CHL1: variants seen among roughly 807,000 people sequenced by gnomAD.
The protein encoded by CHL1 is cell adhesion molecule L1 like, also known as neural cell adhesion molecule L1-like protein.
CHL1 carries 96 observed loss-of-function variants against 141.9 expected under a neutral mutation model. The ratio of observed to expected loss-of-function variants is 0.68; its 90% CI spans 0.57 to 0.80. The LOEUF (loss-of-function observed/expected upper bound fraction) is 0.80. CHL1 is among the 30% of genes least tolerant of loss of function. The probability of loss-of-function intolerance (pLI) is 0.00; values close to 1 mark genes in which losing one functional copy is unlikely to be tolerated. For synonymous variants in CHL1, 613 were observed against 502.2 expected, an observed-to-expected ratio of 1.22 and a Z score of -2.95; for missense variants, 1,820 against 1,457.2, an observed-to-expected ratio of 1.25 and a Z score of -4.05.
chr3:343,933 T>C (rs926635675), intron 8 of CHL1, among the ~76,000 whole-genome samples: 4 of 152,216 alleles, frequency 2.6e-5, no homozygotes, highest in African/African-American at 9.6e-5. Context: ...ACTGCTAAAG[T>C]CCCTTTGAAG....
chr3:401,783 A>C, intron 27 of CHL1, 85 bp downstream of exon 27: 2 of 781,630 alleles, frequency 2.6e-6, no homozygotes, highest in Non-Finnish European at 4.1e-6. Flanking sequence ...TATTCTTAAT[A>C]AAAAGGTTAC....
intron 4 of CHL1, among the ~76,000 whole-genome samples, chr3:327,274 G>T (rs963380433): frequency 1.3e-5 from 2 of 151,880 alleles, no homozygotes; most frequent in African/African-American, 4.8e-5. Context: ...AAATTTGCAT[G>T]GGTAATTCCA....
At chr3:305,566 A>G (rs1056875754) in intron 2 of CHL1, among the ~76,000 whole-genome samples, 1 of 152,050 alleles carries the variant, frequency 6.6e-6, no homozygotes. Context: ...TTTCTAGGAA[A>G]AACCCATGGT....
At chr3:359,397 G>A (rs568295507) in intron 11 of CHL1, among the ~76,000 whole-genome samples, 15 of 151,928 alleles carry the variant, frequency 9.9e-5, no homozygotes, top group Non-Finnish European at 1.9e-4. Context: ...TCCACCTCCT[G>A]GGTTCAAGTG....
Position 289,931 on chromosome 3 carries a change from C to CTTTTTTTT in CHL1, c.-94-29738_-94-29731dup, listed in dbSNP as rs769872997. On this transcript the variant is annotated intron_variant, in intron 2 of 27. Coordinates refer to ENST00000256509, the MANE Select transcript of CHL1 (RefSeq NM_006614.4). The stretch of plus-strand genomic sequence containing the variant: ...CATAGATACATTGCTCCACTGGTAT[C>CTTTTTTTT]TTTTTTTTTTTTTTTTTTTTTGAGA... Among the ~76,000 whole-genome samples, 12 of 102,768 alleles carry CTTTTTTTT rather than the reference C, an allele frequency of 1.2e-4. 1 individual carries two copies. The highest frequency in any genetic ancestry group is 2.7e-4 in the African/African-American group (7 of 25,624). 67.4% of individuals were successfully genotyped at this position (102,768 alleles called of 152,430 possible). A position where few individuals can be genotyped will look rare whatever the true frequency, so the allele number is the denominator to read the frequency against.
chr3:279,972 G>T (rs896154815), intron 2 of CHL1, among the ~76,000 whole-genome samples: 1 of 152,094 alleles, frequency 6.6e-6, no homozygotes, highest in East Asian at 1.9e-4. Flanking sequence ...GTAGGAAAAT[G>T]TAGATCATTT....
chr3:246,466 C>T (rs1693182253), intron 2 of CHL1: 2 of 152,056 alleles, frequency 1.3e-5, no homozygotes, highest in Admixed American at 6.6e-5. Context: ...GGAAATCAGC[C>T]ATCAGGTTCC....
At chr3:212,468 G>C (rs1699978373) in intron 1 of CHL1, among the ~76,000 whole-genome samples, 1 of 152,056 alleles carries the variant, frequency 6.6e-6, no homozygotes, top group Non-Finnish European at 1.5e-5. Flanking sequence ...TCCTTGTTCA[G>C]CCTTCTAATC....
intron 2 of CHL1, among the ~76,000 whole-genome samples, chr3:315,838 G>A (rs186711829): frequency 9.4e-4 from 143 of 152,086 alleles, no homozygotes; most frequent in Non-Finnish European, 1.8e-3. Context: ...CACATATGAG[G>A]AGTTTAGAAG....
intron 2 of CHL1, among the ~76,000 whole-genome samples, chr3:308,482 T>A (rs907304516): frequency 3.9e-5 from 6 of 152,002 alleles, no homozygotes; most frequent in Non-Finnish European, 8.8e-5. Flanking sequence ...GAGAAGTAGA[T>A]TAAAACCATC....
At position 363,199 on chromosome 3, in the gene CHL1, C is replaced by A; in HGVS notation, c.1419-18C>A. On this transcript the variant is annotated intron_variant, in intron 13 of 27. Transcript: ENST00000256509. ...TTTTGCCCTACCTCAGATGGATGTA[C>A]GCTTTCTTTGTCCATAGGCAGAAGG... The A allele has an allele frequency of 6.3e-7, 1 of 1,599,390 alleles. No homozygotes were observed. The highest frequency in any genetic ancestry group is 8.5e-7 in the Non-Finnish European group (1 of 1,174,642).
intron 15 of CHL1, among the ~76,000 whole-genome samples, chr3:373,217 G>A (rs1300937669): frequency 1.3e-5 from 2 of 152,254 alleles, no homozygotes; most frequent in African/African-American, 4.8e-5. Flanking sequence ...CGCTAAGTCT[G>A]CTGGTCTGCA....
chr3:258,934 C>G (rs115767576), intron 2 of CHL1, among the ~76,000 whole-genome samples: 1 of 130,556 alleles, frequency 7.7e-6, no homozygotes, highest in African/African-American at 2.9e-5. Flanking sequence ...ATGGCAACAT[C>G]TTTTTTTTTT....
intron 2 of CHL1, among the ~76,000 whole-genome samples, chr3:245,609 T>C (rs1364582686): frequency 6.6e-6 from 1 of 152,170 alleles, no homozygotes; most frequent in Non-Finnish European, 1.5e-5. Context: ...CAAGAGAATA[T>C]GCACTCCAGA....
intron 1 of CHL1, among the ~76,000 whole-genome samples, chr3:226,732 C>A (rs1229477672): frequency 2.6e-5 from 4 of 152,138 alleles, no homozygotes; most frequent in Admixed American, 2.6e-4. Context: ...CAGGCGTAAG[C>A]CACCGCGCCC....
chr3:274,659 G>A (rs1324761857), intron 2 of CHL1, among the ~76,000 whole-genome samples: 1 of 152,180 alleles, frequency 6.6e-6, no homozygotes, highest in African/African-American at 2.4e-5. Flanking sequence ...AGCATACAGT[G>A]TGATGCTCAA....
chr3:390,976 A>T lies in CHL1; in HGVS notation c.2608A>T (p.Ser870Cys). 1.2e-6 allele frequency: 2 copies of T among 1,614,074 alleles called. No individual in the cohort carries two copies. Among genetic ancestry groups the T allele is most frequent in the Non-Finnish European group, 8.5e-7 (1 of 1,179,926 alleles). The change falls in exon 22 of 28, where the codon AGT becomes TGT. Residue 870 changes from serine to cysteine, a missense_variant. Coordinates refer to ENST00000256509, the MANE Select transcript of CHL1 (RefSeq NM_006614.4). ...GYQINWWKTK[S>C]LLDGRTHPKE... ...GCAGATAAATTGGTGGAAAACAAAA[A>T]GTCTGTTGGATGGAAGAACACATCC...
intron 1 of CHL1, among the ~76,000 whole-genome samples, chr3:226,229 C>T (rs1401969246): frequency 1.3e-5 from 2 of 150,130 alleles, no homozygotes; most frequent in East Asian, 4.0e-4. Context: ...ACCATGTTGG[C>T]CACGCTAATG....
intron 1 of CHL1, chr3:213,682 A>T (rs1700071990): frequency 6.6e-6 from 1 of 152,204 alleles, no homozygotes; most frequent in Non-Finnish European, 1.5e-5. Context: ...ATAGAGAAAG[A>T]TTATTTCCAG....
Sources: allele counts gnomAD v4.1 joint callset (sites outside exome capture counted in the v4.1 genomes callset), GRCh38; gene constraint gnomAD v4.1.1; transcripts MANE v1.5; gene names NCBI Gene and HGNC (gene_info 2026-07-23, HGNC 2026-07-21).